The following TNN variants were observed in gnomAD, a reference collection of about 807,000 sequenced individuals.
The protein encoded by TNN is tenascin-N.
Under a neutral mutation model 134.4 loss-of-function variants are expected in TNN, and 122 were observed. The ratio of observed to expected loss-of-function variants is 0.91; its 90% confidence interval spans 0.78 to 1.06. TNN has a LOEUF of 1.06. Ranked by LOEUF, TNN falls within the 50% of genes least tolerant of loss-of-function variation. The pLI, the probability that TNN is intolerant of heterozygous loss-of-function variation, is 0.00. For synonymous variants in TNN, 710 were observed against 670.3 expected (o/e 1.06, Z -0.91); for missense variants, 1,739 against 1,699.4 (o/e 1.02, Z -0.41).
At chr1:175,126,871 G>A in intron 12 of TNN, 84 bp from the exon 13 acceptor site, 1 of 1,464,280 alleles carries the variant, frequency 6.8e-7, no homozygotes. Flanking sequence ...GTTTGAAAAG[G>A]GGAAAATATA....
At chr1:175,099,016 A>G (rs1674648914) in intron 9 of TNN, among the ~76,000 whole-genome samples, 1 of 152,244 alleles carries the variant, frequency 6.6e-6, no homozygotes, top group South Asian at 2.1e-4. Flanking sequence ...TGCCATCTGA[A>G]TGAATGTTTT....
At chr1:175,142,023 A>G (rs942942033) in intron 17 of TNN, among the ~76,000 whole-genome samples, 10 of 152,216 alleles carry the variant, frequency 6.6e-5, no homozygotes, top group Non-Finnish European at 1.3e-4. Flanking sequence ...AGCCCTGGGA[A>G]CCTTCTATGT....
At chr1:175,076,044 C>T (rs1674031839) in intron 1 of TNN, among the ~76,000 whole-genome samples, 1 of 152,194 alleles carries the variant, frequency 6.6e-6, no homozygotes, top group Non-Finnish European at 1.5e-5. Context: ...GCAAGCCCAA[C>T]TGGGATGTAT....
In TNN at chr1:175,080,198, A is replaced by T. The variant is rs1160631851; in HGVS notation, c.820A>T (p.Thr274Ser). Residue 274 changes from threonine to serine, a missense_variant, in exon 4 of 19, where the codon ACG becomes TCG. Physicochemically the swap from Thr to Ser is moderately conservative, Grantham distance 58 (BLOSUM62 1). Coordinates refer to ENST00000239462, the MANE Select transcript of TNN (RefSeq NM_022093.2). The part of the protein sequence containing the change: ...TPQGLQLLKN[T>S]EDSLLVSWEP... ...ACAGGGCCTGCAGCTGCTCAAGAAC[A>T]CGGAGGATTCTCTGCTGGTGAGCTG... The T allele has an allele frequency of 6.2e-7, 1 of 1,614,100 alleles. No homozygotes were observed. Among genetic ancestry groups the T allele is most frequent in the Non-Finnish European group, 8.5e-7 (1 of 1,180,012 alleles).
At chr1:175,101,083 G>A (rs190869205) in intron 9 of TNN, among the ~76,000 whole-genome samples, 16 of 152,266 alleles carry the variant, frequency 1.1e-4, no homozygotes, top group African/African-American at 2.6e-4. Flanking sequence ...TCCTGTGTCC[G>A]GAATTGGTGG....
intron 11 of TNN, among the ~76,000 whole-genome samples, chr1:175,119,638 C>T (rs187636582): frequency 0.24 from 31,380 of 129,960 alleles, 4,298 homozygotes; most frequent in African/African-American, 0.4. Flanking sequence ...CCTTTTTTTT[C>T]TTTTTTTTTT....
chr1:175,110,088 G>C (rs1674981895), intron 9 of TNN, among the ~76,000 whole-genome samples: 2 of 152,084 alleles, frequency 1.3e-5, no homozygotes, highest in Non-Finnish European at 2.9e-5. Context: ...ATTTTGATTT[G>C]CATTTCCCTG....
chr1:175,116,647 C>T (rs1428118121), intron 9 of TNN, among the ~76,000 whole-genome samples: 2 of 152,220 alleles, frequency 1.3e-5, no homozygotes, highest in African/African-American at 2.4e-5. Context: ...GATTAGATTG[C>T]TAGTAACCTG....
Position 175,098,371 on chromosome 1 carries a change from C to T in TNN, c.1895C>T (p.Thr632Ile), listed in dbSNP as rs750103757. 3 of 1,614,168 alleles carry T rather than the reference C, an allele frequency of 1.9e-6. No homozygotes were observed. Among genetic ancestry groups the T allele is most frequent in the Non-Finnish European group, 2.5e-6 (3 of 1,180,044 alleles). The part of the protein sequence containing the change: ...SPKNLVTDRV[T>I]ENMATVSWDP... ...AAAAACCTGGTGACTGACCGGGTGA[C>T]AGAGAATATGGCCACGGTCTCCTGG... Residue 632 changes from threonine (T) to isoleucine (I), a missense_variant, in exon 9 of 19, where the codon ACA becomes ATA. Transcript: ENST00000239462.
intron 1 of TNN, among the ~76,000 whole-genome samples, chr1:175,068,629 G>A (rs1024066622): frequency 3.7e-4 from 56 of 152,274 alleles, no homozygotes; most frequent in African/African-American, 1.3e-3. Context: ...GTGGTTGGCC[G>A]GGCATGGTGG....
intron 9 of TNN, among the ~76,000 whole-genome samples, chr1:175,099,448 T>G (rs1274278774): frequency 2.3e-4 from 26 of 115,082 alleles, no homozygotes; most frequent in South Asian, 5.6e-4. Context: ...AAGTGAGGGG[T>G]CAGTAAGGAG....
chr1:175,098,870 G>C (rs533672490), intron 9 of TNN, among the ~76,000 whole-genome samples: 1 of 152,140 alleles, frequency 6.6e-6, no homozygotes, highest in African/African-American at 2.4e-5. Context: ...CACACTAACT[G>C]CTTCTCCTTG....
intron 6 of TNN, 75 bp downstream of exon 6, chr1:175,085,569 CTG>C (rs1674305671): frequency 9.6e-7 from 1 of 1,037,670 alleles, no homozygotes; most frequent in Non-Finnish European, 1.5e-6. Flanking sequence ...TGACTCCTCT[CTG>C]GATAAGAATT....
chr1:175,128,424 A>G (rs1675586207), intron 14 of TNN, among the ~76,000 whole-genome samples, 171 bp from the exon 15 acceptor site: 1 of 152,170 alleles, frequency 6.6e-6, no homozygotes, highest in African/African-American at 2.4e-5. Context: ...TTCCTGGTGC[A>G]TTTGGGGAGT....
At chr1:175,131,149 C>G (rs995436678) in intron 15 of TNN, among the ~76,000 whole-genome samples, 1 of 152,182 alleles carries the variant, frequency 6.6e-6, no homozygotes, top group African/African-American at 2.4e-5. Flanking sequence ...CCATCCCAAG[C>G]AACAGGAACT....
At chr1:175,085,567 C>T in intron 6 of TNN, 73 bp downstream of exon 6, 2 of 1,053,674 alleles carry the variant, frequency 1.9e-6, no homozygotes, top group Non-Finnish European at 2.9e-6. Context: ...GCTGACTCCT[C>T]TCTGGATAAG....
At chr1:175,132,148 G>C (rs1305149489) in intron 15 of TNN, among the ~76,000 whole-genome samples, 2 of 152,014 alleles carry the variant, frequency 1.3e-5, no homozygotes, top group East Asian at 1.9e-4. Context: ...CACTGTCCTT[G>C]GTACAACAAG....
At position 175,083,910 on chromosome 1, in the gene TNN, C is replaced by G. The variant is rs1056031201; in HGVS notation, c.1209C>G (p.Asp403Glu). The change falls in exon 5 of 19, where the codon GAC becomes GAG. Residue 403 changes from aspartate to glutamate, a missense_variant. By Grantham distance (45) the Asp-to-Glu change is conservative (BLOSUM62 2). Coordinates refer to ENST00000239462, the MANE Select transcript of TNN (RefSeq NM_022093.2). ...AGGTCACTGTGCCCAAGAGCAGTGA[C>G]CCCAAGAGCCGATATGACATCACTG... The part of the protein sequence containing the change: ...VAEVTVPKSS[D>E]PKSRYDITGL... The G allele has an allele frequency of 2.5e-6, 4 of 1,613,890 alleles. No individual in the cohort carries two copies. The African/African-American group carries it at 5.3e-5, about 22-fold the overall frequency.
At chr1:175,087,629 A>G (rs1454659916) in intron 6 of TNN, among the ~76,000 whole-genome samples, 1 of 152,168 alleles carries the variant, frequency 6.6e-6, no homozygotes, top group African/African-American at 2.4e-5. Flanking sequence ...TCACCTCTGG[A>G]AGTGATTTTT....
Sources: gnomAD v4.1 joint callset for allele counts (sites outside exome capture counted in the v4.1 genomes callset) on GRCh38, gnomAD v4.1.1 for gene constraint, MANE v1.5 for transcripts, NCBI Gene and HGNC (gene_info 2026-07-23, HGNC 2026-07-21) for gene names.